The following ST6GALNAC3 variants were observed in gnomAD, a reference collection of about 807,000 sequenced individuals.
ST6GALNAC3 encodes ST6 N-acetylgalactosaminide alpha-2,6-sialyltransferase 3, also known as alpha-N-acetylgalactosaminide alpha-2,6-sialyltransferase 3.
Under a neutral mutation model 32.7 loss-of-function variants are expected in ST6GALNAC3, and 25 were observed. The ratio of observed to expected loss-of-function variants is 0.76; its 90% CI spans 0.56 to 1.07. The LOEUF is 1.07. Ranked by LOEUF, ST6GALNAC3 falls within the 50% of genes least tolerant of loss-of-function variation. ST6GALNAC3 has a pLI of 0.00. For missense variants in ST6GALNAC3, 355 were observed against 382.4 expected (o/e 0.93, Z 0.60); for synonymous variants, 129 against 133.1 (o/e 0.97, Z 0.21).
chr1:76,308,439 G>T (rs1570768026), intron 1 of ST6GALNAC3, among the ~76,000 whole-genome samples: 1 of 152,102 alleles, frequency 6.6e-6, no homozygotes, highest in Admixed American at 6.5e-5. Context: ...GTTGAGCCGA[G>T]TGTCATACAT....
intron 1 of ST6GALNAC3, among the ~76,000 whole-genome samples, chr1:76,313,133 A>G (rs1230303143): frequency 2.6e-5 from 4 of 152,154 alleles, no homozygotes; most frequent in Non-Finnish European, 5.9e-5. Context: ...AGGGTGCTAG[A>G]TACAGAAACA....
intron 3 of ST6GALNAC3, among the ~76,000 whole-genome samples, chr1:76,610,325 A>G (rs754680661): frequency 6.6e-6 from 1 of 152,154 alleles, no homozygotes; most frequent in Non-Finnish European, 1.5e-5. Context: ...GTGGGTAAAC[A>G]TGATTGCTCT....
intron 1 of ST6GALNAC3, among the ~76,000 whole-genome samples, chr1:76,239,002 A>C (rs964098349): frequency 6.6e-6 from 1 of 150,518 alleles, no homozygotes; most frequent in African/African-American, 2.5e-5. Context: ...GTAAGATAGA[A>C]GTGAGCACAA....
At chr1:76,454,724 T>C (rs1237302074) in intron 3 of ST6GALNAC3, among the ~76,000 whole-genome samples, 1 of 152,130 alleles carries the variant, frequency 6.6e-6, no homozygotes, top group Non-Finnish European at 1.5e-5. Context: ...ATTCTTTCCT[T>C]TCATCTTGAC....
chr1:76,425,380 G>A (rs545235225), intron 3 of ST6GALNAC3, among the ~76,000 whole-genome samples: 168 of 151,956 alleles, frequency 1.1e-3, no homozygotes, highest in Admixed American at 2.4e-3. Context: ...ACAACCATAC[G>A]CCCTCACCCG....
intron 1 of ST6GALNAC3, among the ~76,000 whole-genome samples, chr1:76,235,642 T>A (rs148746419): frequency 5.1e-4 from 78 of 151,498 alleles, no homozygotes; most frequent in Middle Eastern, 6.8e-3. Context: ...TTTCCCTATC[T>A]TTAAATTGGG....
chr1:76,101,787 T>C (rs1392789163), intron 1 of ST6GALNAC3, among the ~76,000 whole-genome samples: 1 of 152,176 alleles, frequency 6.6e-6, no homozygotes, highest in Admixed American at 6.5e-5. Flanking sequence ...TACCAGGGAT[T>C]TTCTAGCCAT....
chr1:76,233,791 CAGT>C (rs1656498448), intron 1 of ST6GALNAC3, among the ~76,000 whole-genome samples: 1 of 152,108 alleles, frequency 6.6e-6, no homozygotes, highest in Admixed American at 6.6e-5. Context: ...GGATATATTA[CAGT>C]AGTGGTGAAG....
chr1:76,391,280 T>C (rs1202164131), intron 2 of ST6GALNAC3, among the ~76,000 whole-genome samples: 1 of 152,134 alleles, frequency 6.6e-6, no homozygotes, highest in Non-Finnish European at 1.5e-5. Context: ...ATATAGTTGT[T>C]ATTATGATGA....
chr1:76,358,498 C>T (rs1295991727), intron 2 of ST6GALNAC3, among the ~76,000 whole-genome samples: 1 of 152,070 alleles, frequency 6.6e-6, no homozygotes, highest in Non-Finnish European at 1.5e-5. Context: ...TAGTTTTTAC[C>T]TCCTAATGTA....
intron 1 of ST6GALNAC3, among the ~76,000 whole-genome samples, chr1:76,103,520 C>A (rs568090310): frequency 6.6e-6 from 1 of 151,960 alleles, no homozygotes; most frequent in Non-Finnish European, 1.5e-5. Flanking sequence ...AATTTTCATT[C>A]GACTCTCTCT....
At chr1:76,508,434 A>G (rs1041884232) in intron 3 of ST6GALNAC3, among the ~76,000 whole-genome samples, 2 of 152,096 alleles carry the variant, frequency 1.3e-5, no homozygotes, top group East Asian at 3.9e-4. Context: ...CCACTACTAT[A>G]GTTATATAAT....
chr1:76,101,429 G>A (rs1647222721), intron 1 of ST6GALNAC3, among the ~76,000 whole-genome samples: 1 of 152,122 alleles, frequency 6.6e-6, no homozygotes, highest in African/African-American at 2.4e-5. Context: ...CAGCTTGGTT[G>A]CTCCAAGTTT....
At chr1:76,351,618 C>G (rs1293316805) in intron 2 of ST6GALNAC3, among the ~76,000 whole-genome samples, 1 of 152,078 alleles carries the variant, frequency 6.6e-6, no homozygotes, top group Non-Finnish European at 1.5e-5. Flanking sequence ...TATTTGTCCA[C>G]TTTAGAATTA....
chr1:76,140,900 G>C (rs191699026), intron 1 of ST6GALNAC3, among the ~76,000 whole-genome samples: 1 of 149,420 alleles, frequency 6.7e-6, no homozygotes, highest in African/African-American at 2.5e-5. Flanking sequence ...GGCTTCCAAA[G>C]TGCTGGGATT....
At chr1:76,302,388 C>G (rs1660778163) in intron 1 of ST6GALNAC3, among the ~76,000 whole-genome samples, 1 of 151,968 alleles carries the variant, frequency 6.6e-6, no homozygotes, top group Non-Finnish European at 1.5e-5. Flanking sequence ...ATTATTTTTC[C>G]TCTTTCTCTT....
At chr1:76,226,094 G>T (rs1656053237) in intron 1 of ST6GALNAC3, among the ~76,000 whole-genome samples, 1 of 152,170 alleles carries the variant, frequency 6.6e-6, no homozygotes, top group Non-Finnish European at 1.5e-5. Context: ...CCAGATAGAT[G>T]AATGATTCCA....
intron 1 of ST6GALNAC3, among the ~76,000 whole-genome samples, chr1:76,269,466 G>C (rs1220120634): frequency 5.3e-5 from 8 of 152,192 alleles, no homozygotes; most frequent in Non-Finnish European, 1.2e-4. Context: ...TTTTTCAAGA[G>C]AAGTTAGAAA....
intron 3 of ST6GALNAC3, among the ~76,000 whole-genome samples, chr1:76,590,377 AAT>A (rs1647028689): frequency 6.6e-6 from 1 of 152,244 alleles, no homozygotes; most frequent in African/African-American, 2.4e-5. Flanking sequence ...TGTTTCAGTA[AAT>A]TGCAAATATC....
Sources: allele counts gnomAD v4.1 joint callset (sites outside exome capture counted in the v4.1 genomes callset), GRCh38; gene constraint gnomAD v4.1.1; transcripts MANE v1.5; gene names NCBI Gene and HGNC (gene_info 2026-07-23, HGNC 2026-07-21).